The following PLS3 variants were observed in gnomAD, a reference collection of about 807,000 sequenced individuals.
The protein encoded by PLS3 is plastin-3.
PLS3 carries 11 observed loss-of-function variants against 46.5 expected under a neutral mutation model. The ratio of observed to expected loss-of-function variants is 0.24; its 90% CI spans 0.15 to 0.39. The LOEUF (loss-of-function observed/expected upper bound fraction) is 0.39, where lower values mean the gene tolerates loss of function less well. Ranked by LOEUF, PLS3 falls within the 10% of genes least tolerant of loss-of-function variation. The pLI is 1.00. For synonymous variants in PLS3, 167 were observed against 162.2 expected (o/e 1.03, Z -0.22); for missense variants, 308 against 461.8 (o/e 0.67, Z 3.05).
chrX:115,624,460 A>G (rs782558804), intron 3 of PLS3: 3 of 111,746 alleles, frequency 2.7e-5, no homozygotes, highest in East Asian at 5.6e-4. Flanking sequence ...CTGCATGGTT[A>G]ATTGTGAATT....
chrX:115,607,859 G>A (rs781961392), intron 1 of PLS3, among the ~76,000 whole-genome samples: 5 of 111,581 alleles, frequency 4.5e-5, no homozygotes, highest in African/African-American at 1.6e-4. Context: ...TTACATTATG[G>A]TAAAAACTTA....
At chrX:115,572,815 C>G (rs782357433) in intron 1 of PLS3, among the ~76,000 whole-genome samples, 2 of 110,872 alleles carry the variant, frequency 1.8e-5, no homozygotes, top group South Asian at 7.6e-4. Flanking sequence ...GAATTTAGAC[C>G]GTGCCCGGTG....
rs1357462334 is a variant in PLS3, at chrX:115,648,031, C to G, written c.1760+14C>G. ...CAATAATGCCAAGTAAGGGAGACTGCTAATAGTATGAAAAGAACGCAGCTT... is the reference window on the plus strand; with the variant it reads ...CAATAATGCCAAGTAAGGGAGACTGGTAATAGTATGAAAAGAACGCAGCTT... On this transcript the variant is annotated intron_variant, in intron 15 of 15. Coordinates refer to ENST00000355899, the MANE Select transcript of PLS3 (RefSeq NM_005032.7). 1.8e-6 allele frequency: 2 copies of G among 1,136,720 alleles called. No individual in the cohort carries two copies. The highest frequency in any genetic ancestry group is 1.8e-5 in the African/African-American group (1 of 55,668). 93.7% of individuals were successfully genotyped at this position (1,136,720 alleles called of 1,213,427 possible). A position where few individuals can be genotyped will look rare whatever the true frequency, so the allele number is the denominator to read the frequency against.
At chrX:115,597,708 T>G (rs1283046933) in intron 1 of PLS3, among the ~76,000 whole-genome samples, 1 of 112,038 alleles carries the variant, frequency 8.9e-6, no homozygotes, top group Non-Finnish European at 1.9e-5. Context: ...CTATGTGAAT[T>G]GTAGAAGCAC....
chrX:115,562,449 CAGA>C (rs1184662325), intron 1 of PLS3: 1 of 112,073 alleles, frequency 8.9e-6, no homozygotes, highest in Non-Finnish European at 1.9e-5. Flanking sequence ...TGAACTTTTG[CAGA>C]AGGTTGAGCT....
At chrX:115,595,343 A>T (rs945035639) in intron 1 of PLS3, among the ~76,000 whole-genome samples, 13 of 111,896 alleles carry the variant, frequency 1.2e-4, no homozygotes, top group Non-Finnish European at 2.3e-4. Context: ...AAAACAAAAG[A>T]TCAGTTAGAA....
At chrX:115,582,138 C>T (rs1390544068) in intron 1 of PLS3, among the ~76,000 whole-genome samples, 3 of 112,214 alleles carry the variant, frequency 2.7e-5, no homozygotes, top group Admixed American at 9.5e-5. Flanking sequence ...AAAGCTCATT[C>T]TCTCGAGCAG....
chrX:115,598,436 C>T (rs1383875969), intron 1 of PLS3, among the ~76,000 whole-genome samples: 11 of 111,215 alleles, frequency 9.9e-5, no homozygotes, highest in African/African-American at 2.9e-4. Flanking sequence ...CTATGACACA[C>T]GTGAGGGCAT....
intron 1 of PLS3, among the ~76,000 whole-genome samples, chrX:115,583,624 G>A (rs367724876): frequency 8.9e-6 from 1 of 112,393 alleles, no homozygotes; most frequent in Admixed American, 9.5e-5. Context: ...AGAAGCCAGC[G>A]TCTTAAAAGC....
At position 115,637,603 on chromosome X, in the gene PLS3, G is replaced by A. The variant is rs7059021; in HGVS notation, c.891+625G>A. On this transcript the variant is annotated intron_variant, in intron 8 of 15. Transcript: ENST00000355899. ...GCAGTGGGGGAAAACTAACAATGGAGGAAGACATTTATTACATGTTGCCTT... is the reference window on the plus strand; with the variant it reads ...GCAGTGGGGGAAAACTAACAATGGAAGAAGACATTTATTACATGTTGCCTT... Among the ~76,000 whole-genome samples, 463 of 111,556 alleles carry A rather than the reference G, an allele frequency of 4.2e-3. 7 individuals are homozygous for A. Among genetic ancestry groups the A allele is most frequent in the African/African-American group, 0.015 (453 of 30,731 alleles).
At chrX:115,574,310 C>A (rs782104172) in intron 1 of PLS3, among the ~76,000 whole-genome samples, 1 of 111,570 alleles carries the variant, frequency 9.0e-6, no homozygotes, top group Non-Finnish European at 1.9e-5. Flanking sequence ...TTGCTGATAA[C>A]GATTGAATTG....
chrX:115,566,889 G>T (rs1359825542), intron 1 of PLS3, among the ~76,000 whole-genome samples: 1 of 102,387 alleles, frequency 9.8e-6, no homozygotes, highest in Admixed American at 1.1e-4. Context: ...ATGTTGGTCA[G>T]GCTGGTCTAG....
intron 1 of PLS3, among the ~76,000 whole-genome samples, chrX:115,591,187 T>C (rs1457544656): frequency 8.9e-6 from 1 of 112,887 alleles, no homozygotes; most frequent in Non-Finnish European, 1.9e-5. Flanking sequence ...TAGCATTTAC[T>C]AAGTAGAAGA....
At chrX:115,561,808 GA>G (rs1463989948) in intron 1 of PLS3, among the ~76,000 whole-genome samples, 1 of 111,595 alleles carries the variant, frequency 9.0e-6, no homozygotes, top group Admixed American at 9.4e-5. Flanking sequence ...GGGCTCTGGA[GA>G]GGGGGGGCCG....
In PLS3 at chrX:115,645,048, G is replaced by A; in HGVS notation, c.1211G>A (p.Arg404His). The A allele has an allele frequency of 8.4e-7, 1 of 1,195,432 alleles. No homozygotes were observed. Among genetic ancestry groups the A allele is most frequent in the Non-Finnish European group, 1.1e-6 (1 of 881,186 alleles). ...GAAACTCGTGAAGAAAGAACCTTCCGTAACTGGATGAACTCTCTTGGTGTC... is the reference window on the plus strand; with the variant it reads ...GAAACTCGTGAAGAAAGAACCTTCCATAACTGGATGAACTCTCTTGGTGTC... ...EGETREERTF[R>H]NWMNSLGVNP... Residue 404 changes from arginine (R) to histidine (H), a missense_variant, in exon 11 of 16, where the codon CGT (arginine) becomes CAT (histidine). Coordinates refer to ENST00000355899, the MANE Select transcript of PLS3 (RefSeq NM_005032.7).
At chrX:115,622,067 A>G in intron 2 of PLS3, 179 bp from the exon 3 acceptor site, 1 of 414,236 alleles carries the variant, frequency 2.4e-6, no homozygotes, top group Non-Finnish European at 4.2e-6. Context: ...TACATGATGT[A>G]AAACCTTGCT....
intron 1 of PLS3, among the ~76,000 whole-genome samples, chrX:115,594,644 C>CCTCT (rs782282497): frequency 3.0e-4 from 29 of 96,547 alleles, no homozygotes; most frequent in African/African-American, 9.6e-4. Flanking sequence ...TCTCTCCCTC[C>CCTCT]CTCTCTCTCT....
Position 115,646,476 on chromosome X carries a change from A to C in PLS3, c.1452A>C (p.Gln484His). 1 of 1,210,946 alleles carries C rather than the reference A, an allele frequency of 8.3e-7. No homozygotes were observed. The highest frequency in any genetic ancestry group is 1.1e-6 in the Non-Finnish European group (1 of 894,505). ...AKFSLVGIGG[Q>H]DLNDGNQTLT... ...TCTCCCTGGTTGGCATTGGAGGGCA[A>C]GACCTGAATGATGGGAACCAAACCC... Residue 484 changes from glutamine (Q) to histidine (H), a missense_variant, in exon 13 of 16, where the codon CAA becomes CAC. Physicochemically the swap from Gln to His is conservative, Grantham distance 24. Transcript: ENST00000355899.
intron 3 of PLS3, among the ~76,000 whole-genome samples, chrX:115,622,752 C>T (rs961541922): frequency 1.7e-4 from 19 of 111,229 alleles, no homozygotes; most frequent in African/African-American, 5.9e-4. Flanking sequence ...CCGTGGTGAA[C>T]AGTGTGCTCC....
Sources: gnomAD v4.1 joint callset for allele counts (sites outside exome capture counted in the v4.1 genomes callset) on GRCh38, gnomAD v4.1.1 for gene constraint, MANE v1.5 for transcripts, NCBI Gene and HGNC (gene_info 2026-07-23, HGNC 2026-07-21) for gene names.